Variants in LINGO1 observed in about 807,000 individuals in gnomAD.
LINGO1 encodes the protein leucine-rich repeat and immunoglobulin-like domain-containing nogo receptor-interacting protein 1.
Under a neutral mutation model 37.3 loss-of-function variants are expected in LINGO1, and 11 were observed. That is an observed-to-expected ratio of 0.29 (90% CI 0.19 to 0.49). LINGO1 has a LOEUF of 0.49. LINGO1 is among the 20% of genes least tolerant of loss of function. LINGO1 has a pLI of 0.99. For missense variants in LINGO1, 585 were observed against 878.2 expected, an observed-to-expected ratio of 0.67 and a Z score of 4.22; for synonymous variants, 387 against 403.0, an observed-to-expected ratio of 0.96 and a Z score of 0.48.
intron 2 of LINGO1, among the ~76,000 whole-genome samples, chr15:77,728,322 G>C (rs1596162775): frequency 6.6e-6 from 1 of 152,256 alleles, no homozygotes; most frequent in South Asian, 2.1e-4. Flanking sequence ...AGGCAGGTGG[G>C]CTGCACCAGC....
intron 3 of LINGO1, among the ~76,000 whole-genome samples, chr15:77,672,000 GCCTCCTCCTCCT>G (rs10559337): frequency 1.6e-4 from 23 of 145,572 alleles, no homozygotes; most frequent in African/African-American, 2.5e-4. Context: ...ATGAGCCTCT[GCCTCCTCCTCCT>G]CCTCCTCCTC....
intron 3 of LINGO1, among the ~76,000 whole-genome samples, chr15:77,659,075 G>A (rs943439263): frequency 6.6e-6 from 1 of 152,212 alleles, no homozygotes; most frequent in African/African-American, 2.4e-5. Flanking sequence ...TGGGTGCCTG[G>A]AGAAGCTGGC....
intron 1 of LINGO1, among the ~76,000 whole-genome samples, chr15:77,756,244 C>A (rs949153366): frequency 2.6e-5 from 4 of 152,202 alleles, no homozygotes; most frequent in African/African-American, 9.7e-5. Context: ...TGACCCATCA[C>A]ATGTGGACAA....
intron 1 of LINGO1, among the ~76,000 whole-genome samples, chr15:77,760,901 A>G (rs2076469201): frequency 7.5e-6 from 1 of 133,632 alleles, no homozygotes; most frequent in Admixed American, 7.3e-5. Context: ...TTTTGTTGTG[A>G]TTGTTAATAA....
At chr15:77,708,082 G>T (rs539283032) in intron 2 of LINGO1, among the ~76,000 whole-genome samples, 1 of 152,280 alleles carries the variant, frequency 6.6e-6, no homozygotes, top group African/African-American at 2.4e-5. Flanking sequence ...GTAATGAGAT[G>T]GTTTTTAAAG....
chr15:77,639,494 C>T (rs962006355), intron 3 of LINGO1, among the ~76,000 whole-genome samples: 3 of 151,764 alleles, frequency 2.0e-5, no homozygotes, highest in Admixed American at 6.6e-5. Flanking sequence ...AGCAGTTCCC[C>T]GAGGCATGAG....
intron 2 of LINGO1, among the ~76,000 whole-genome samples, chr15:77,726,740 C>T (rs2076106187): frequency 6.6e-6 from 1 of 152,194 alleles, no homozygotes; most frequent in Admixed American, 6.5e-5. Flanking sequence ...CAAAAATAGA[C>T]AAATGGGACT....
intron 1 of LINGO1, among the ~76,000 whole-genome samples, chr15:77,622,264 G>A (rs2073946184): frequency 6.6e-6 from 1 of 152,018 alleles, no homozygotes; most frequent in African/African-American, 2.4e-5. Context: ...AGGCTGCAGA[G>A]GAGAGGAAGA....
upstream of LINGO1, among the ~76,000 whole-genome samples, chr15:77,638,860 C>T (rs142099621): frequency 6.6e-6 from 1 of 152,296 alleles, no homozygotes; most frequent in East Asian, 1.9e-4. Context: ...AATCCCCTCC[C>T]CTTCAGTGTG....
intron 3 of LINGO1, among the ~76,000 whole-genome samples, chr15:77,664,273 A>C (rs1274471984): frequency 1.3e-5 from 2 of 151,944 alleles, no homozygotes; most frequent in Non-Finnish European, 2.9e-5. Context: ...ATCCTCCCCA[A>C]ATCCCTGGCC....
At chr15:77,771,882 C>T (rs969515881) in intron 1 of LINGO1, among the ~76,000 whole-genome samples, 3 of 152,156 alleles carry the variant, frequency 2.0e-5, no homozygotes, top group African/African-American at 7.2e-5. Context: ...TGGCAGGCCC[C>T]GAGGTCGCCT....
In LINGO1 at chr15:77,808,233, G is replaced by A. The variant is rs189751975; in HGVS notation, c.-458+12025C>T. ...CTGGCACTGGAGGCCTGCACAGCCC[G>A]GGCCCCTCTCCAGCCTCATCTGCAG... On this transcript the variant is annotated intron_variant, in intron 1 of 5. Transcript: ENST00000562933. Among the ~76,000 whole-genome samples, 142 of 152,254 alleles carry A rather than the reference G, an allele frequency of 9.3e-4. 1 individual carries two copies. The South Asian group carries it at 0.01, about 11-fold the overall frequency.
intron 2 of LINGO1, among the ~76,000 whole-genome samples, chr15:77,725,563 CAAAT>C (rs542901199): frequency 1.3e-5 from 2 of 152,058 alleles, no homozygotes; most frequent in African/African-American, 2.4e-5. Flanking sequence ...ACCCTGTCTC[CAAAT>C]AAATAAATAA....
At chr15:77,644,834 C>A (rs898521691) in intron 3 of LINGO1, among the ~76,000 whole-genome samples, 1 of 152,080 alleles carries the variant, frequency 6.6e-6, no homozygotes, top group Admixed American at 6.5e-5. Context: ...GCCCTGGTGA[C>A]GAGCGGTTTA....
chr15:77,808,833 C>CT (rs2076980810), intron 1 of LINGO1, among the ~76,000 whole-genome samples: 1 of 152,228 alleles, frequency 6.6e-6, no homozygotes, highest in South Asian at 2.1e-4. Context: ...GTGCCCAACA[C>CT]TTAACAGGGG....
At chr15:77,772,042 A>C (rs1263396482) in intron 1 of LINGO1, among the ~76,000 whole-genome samples, 2 of 152,094 alleles carry the variant, frequency 1.3e-5, no homozygotes, top group Non-Finnish European at 2.9e-5. Flanking sequence ...TGTGTACCCC[A>C]CCTCTAGGCC....
At chr15:77,652,765 G>A (rs2074789788) in intron 3 of LINGO1, among the ~76,000 whole-genome samples, 1 of 152,206 alleles carries the variant, frequency 6.6e-6, no homozygotes, top group South Asian at 2.1e-4. Flanking sequence ...CCAGCACAGT[G>A]CGGGAGGAGG....
chr15:77,664,895 T>G (rs2075096730), intron 3 of LINGO1, among the ~76,000 whole-genome samples: 1 of 152,142 alleles, frequency 6.6e-6, no homozygotes, highest in Non-Finnish European at 1.5e-5. Context: ...GATACAGAAT[T>G]GTACTTGAAG....
chr15:77,790,663 T>G (rs752732533), upstream of LINGO1, among the ~76,000 whole-genome samples: 1 of 152,020 alleles, frequency 6.6e-6, no homozygotes, highest in Non-Finnish European at 1.5e-5. Context: ...GCCACAGACA[T>G]TGCTGAAATC....
Sources: allele counts gnomAD v4.1 joint callset (sites outside exome capture counted in the v4.1 genomes callset), GRCh38; gene constraint gnomAD v4.1.1; transcripts MANE v1.5; gene names NCBI Gene and HGNC (gene_info 2026-07-23, HGNC 2026-07-21).